Variants in SS18L1 observed in about 807,000 individuals in gnomAD.
SS18L1 encodes the protein calcium-responsive transactivator.
In SS18L1, 32 loss-of-function variants were observed where a neutral mutation model predicts 70.3. That is an observed-to-expected ratio of 0.46 (90% CI 0.34 to 0.61). The LOEUF (loss-of-function observed/expected upper bound fraction) is 0.61. SS18L1 is among the 20% of genes least tolerant of loss of function. SS18L1 has a pLI of 0.01. For missense variants in SS18L1, 430 were observed against 542.1 expected (o/e 0.79, Z 2.05); for synonymous variants, 237 against 229.7 (o/e 1.03, Z -0.29).
At chr20:62,145,160 C>T (rs959979278) in intron 1 of SS18L1, among the ~76,000 whole-genome samples, 1 of 152,252 alleles carries the variant, frequency 6.6e-6, no homozygotes, top group Non-Finnish European at 1.5e-5. Flanking sequence ...TTAGTAAACA[C>T]TTATGTGGCG....
rs2057270801 is a variant in SS18L1 at position 62,158,804 on chromosome 20, C to CTCT, written c.146+56_146+57insTCT. On this transcript the variant is annotated intron_variant, in intron 2 of 10. Transcript: ENST00000331758. The surrounding 1 kb of genome is among the most constrained non-coding windows in gnomAD (Gnocchi z 4.5). Reference sequence around the variant, plus strand: ...GAGGGTGTCATGCAGAGTCTAAGCACAGAGGCCAGATACGTCCCAAGAGTC... The same window carrying CTCT: ...GAGGGTGTCATGCAGAGTCTAAGCACTCTAGAGGCCAGATACGTCCCAAGAGTC... The CTCT allele has an allele frequency of 1.2e-6, 2 of 1,612,492 alleles. No individual in the cohort carries two copies. The highest frequency in any genetic ancestry group is 1.7e-6 in the Non-Finnish European group (2 of 1,179,784).
At chr20:62,154,765 C>T (rs775463698) in intron 1 of SS18L1, among the ~76,000 whole-genome samples, 20 of 152,184 alleles carry the variant, frequency 1.3e-4, no homozygotes, top group Non-Finnish European at 2.5e-4. Context: ...TGGGGAAATG[C>T]GTCCTTCAGC....
chr20:62,161,721 G>A lies in SS18L1; in HGVS notation c.376+141G>A, dbSNP rs1448021644. 2.7e-5 allele frequency: 35 copies of A among 1,299,516 alleles called. No individual in the cohort carries two copies. The highest frequency in any genetic ancestry group is 5.5e-4 in the Middle Eastern group (2 of 3,652). 80.5% of individuals were successfully genotyped at this position (1,299,516 alleles called of 1,614,324 possible). A position where few individuals can be genotyped will look rare whatever the true frequency, so the allele number is the denominator to read the frequency against. On this transcript the variant is annotated intron_variant, in intron 4 of 10. Transcript: ENST00000331758. The surrounding 1 kb of genome is among the most constrained non-coding windows in gnomAD (Gnocchi z 4.4). The stretch of plus-strand genomic sequence containing the variant: ...ACTCCTCCTGGGGTAGCCACAGGTC[G>A]GCTGCCATCGCCCAGGCTCAGGGCC...
At chr20:62,173,714 T>TA (rs2057571685) in intron 9 of SS18L1, among the ~76,000 whole-genome samples, 1 of 149,340 alleles carries the variant, frequency 6.7e-6, no homozygotes, top group South Asian at 2.1e-4. Flanking sequence ...CCTCAAAAAA[T>TA]AAAAAAATAA....
rs1374782931 is a variant in SS18L1, at chr20:62,159,896, C to T, written c.166C>T (p.Arg56Trp). 14 of 1,612,504 alleles carry T rather than the reference C, an allele frequency of 8.7e-6. No homozygotes were observed. The highest frequency in any genetic ancestry group is 1.2e-5 in the Non-Finnish European group (14 of 1,179,872). The change falls in exon 3 of 11, where the codon CGG (arginine) becomes TGG (tryptophan). Residue 56 changes from arginine to tryptophan, a missense_variant. Arg to Trp is a moderately radical substitution (Grantham distance 101). Coordinates refer to ENST00000331758, the MANE Select transcript of SS18L1 (RefSeq NM_198935.3). The surrounding 1 kb of genome is among the most constrained non-coding windows in gnomAD (Gnocchi z 4.4). ...CTGCAGGTACCAGCAGATCCTGCAC[C>T]GGAACCTGGTATACCTGGCCACGAT... ...ECTQYQQILH[R>W]NLVYLATIAD... is the part of the protein sequence containing the mutation.
chr20:62,163,020 A>G (rs2057359794), intron 5 of SS18L1, 89 bp downstream of exon 5: 1 of 1,511,546 alleles, frequency 6.6e-7, no homozygotes, highest in Non-Finnish European at 8.9e-7. Context: ...GTCCCGGGGA[A>G]GCTGCCCTCC....
At chr20:62,170,128 C>T (rs7269389) in intron 8 of SS18L1, among the ~76,000 whole-genome samples, 18,426 of 152,240 alleles carry the variant, frequency 0.12, 1,300 homozygotes, top group South Asian at 0.24. Flanking sequence ...GAGGGTGTGC[C>T]GTGGCCTCTT....
At chr20:62,171,142 T>C (rs1029802917) in intron 8 of SS18L1, among the ~76,000 whole-genome samples, 3 of 152,092 alleles carry the variant, frequency 2.0e-5, no homozygotes, top group African/African-American at 7.2e-5. Flanking sequence ...GACCTTGTGA[T>C]CCACCCGCCT....
Position 62,161,423 on chromosome 20 carries a change from C to A in SS18L1, c.232-13C>A. 6.2e-7 allele frequency: 1 copy of A among 1,612,844 alleles called. No individual in the cohort carries two copies. Among genetic ancestry groups the A allele is most frequent in the Non-Finnish European group, 8.5e-7 (1 of 1,179,994 alleles). On this transcript the variant is annotated splice_polypyrimidine_tract_variant and intron_variant, in intron 3 of 10. Transcript: ENST00000331758. This position sits in a 1 kb window ranked among gnomAD's most constrained non-coding sequence, Gnocchi z 4.4. ...TTAACCGTTTTTCCCTGAAAACTTC[C>A]TGTTGCCTGCAGCCGCCCACGCAGA... is the stretch of plus-strand genomic sequence containing the variant.
chr20:62,160,591 C>G (rs2057311553), intron 3 of SS18L1, among the ~76,000 whole-genome samples: 1 of 152,138 alleles, frequency 6.6e-6, no homozygotes, highest in African/African-American at 2.4e-5. Context: ...ATGCATTTTT[C>G]CAAGATTAAA....
Position 62,158,789 on chromosome 20 carries a change from T to C in SS18L1, c.146+41T>C, listed in dbSNP as rs760765691. Reference sequence around the variant, plus strand: ...ACACCGGAACACTTGGAGGGTGTCATGCAGAGTCTAAGCACAGAGGCCAGA... The same window carrying C: ...ACACCGGAACACTTGGAGGGTGTCACGCAGAGTCTAAGCACAGAGGCCAGA... On this transcript the variant is annotated intron_variant, in intron 2 of 10. Coordinates refer to ENST00000331758, the MANE Select transcript of SS18L1 (RefSeq NM_198935.3). The surrounding 1 kb of genome is among the most constrained non-coding windows in gnomAD (Gnocchi z 4.5). The C allele has an allele frequency of 1.2e-5, 19 of 1,612,728 alleles. No individual in the cohort carries two copies. Among genetic ancestry groups the C allele is most frequent in the Admixed American group, 1.2e-4 (7 of 59,996 alleles).
Position 62,151,607 on chromosome 20 carries a change from C to T in SS18L1, c.70-7065C>T, listed in dbSNP as rs117583639. Among the ~76,000 whole-genome samples, 1,187 of 152,304 alleles carry T rather than the reference C, an allele frequency of 7.8e-3. 27 individuals carry two copies. Among genetic ancestry groups the T allele is most frequent in the East Asian group, 0.047 (244 of 5,174 alleles). Reference sequence around the variant, plus strand: ...CAGCCAAGCCCAGCAGAAGATCCTCCGAACCAGCCCAGAATCATGAGAACT... The same window carrying T: ...CAGCCAAGCCCAGCAGAAGATCCTCTGAACCAGCCCAGAATCATGAGAACT... On this transcript the variant is annotated intron_variant, in intron 1 of 10. Coordinates refer to ENST00000331758, the MANE Select transcript of SS18L1 (RefSeq NM_198935.3).
At chr20:62,168,753 G>A (rs2145765907) in intron 8 of SS18L1, among the ~76,000 whole-genome samples, 1 of 152,328 alleles carries the variant, frequency 6.6e-6, no homozygotes, top group African/African-American at 2.4e-5. Flanking sequence ...GGTCGAAGCT[G>A]TACTTAACTA....
chr20:62,179,736 T>G lies in SS18L1; in HGVS notation c.*528T>G, dbSNP rs1601069865. ...CGATGGGGTGGGTGGGAGGGCATCT[T>G]CTGTGCGTTGGGTCAGTTTCTGTTA... On this transcript the variant is annotated 3_prime_UTR_variant, in exon 11 of 11. Coordinates refer to ENST00000331758, the MANE Select transcript of SS18L1 (RefSeq NM_198935.3). The G allele has an allele frequency of 4.3e-6, 1 of 231,514 alleles. No individual in the cohort carries two copies. The highest frequency in any genetic ancestry group is 6.2e-5 in the East Asian group (1 of 16,216). 14.3% of individuals were successfully genotyped at this position (231,514 alleles called of 1,614,324 possible).
rs2295206 is a variant in SS18L1, at chr20:62,179,042, G to A, written c.1165-140G>A. ...CTTGGCCAGTGGCTTCTGGAAAGTC[G>A]TTCGCTGCCCCGCAGAGATGTGAGC... is the stretch of plus-strand genomic sequence containing the variant. On this transcript the variant is annotated intron_variant, in intron 10 of 10. Coordinates refer to ENST00000331758, the MANE Select transcript of SS18L1 (RefSeq NM_198935.3). The A allele has an allele frequency of 3.7e-4, 315 of 860,230 alleles. 2 individuals are homozygous for A. In the East Asian group the frequency reaches 6.5e-3, roughly 18 times the overall value. The allele number at this position is 860,230 out of a possible 1,614,324, so 53.3% of individuals were successfully genotyped here. A position where few individuals can be genotyped will look rare whatever the true frequency, so the allele number is the denominator to read the frequency against.
intron 6 of SS18L1, among the ~76,000 whole-genome samples, chr20:62,163,888 A>G (rs115082329): frequency 5.7e-4 from 87 of 152,270 alleles, no homozygotes; most frequent in African/African-American, 2.1e-3. Flanking sequence ...GGCCGGGCTC[A>G]TGCCTGTAGT....
At chr20:62,177,348 C>T (rs892377877) in intron 10 of SS18L1, among the ~76,000 whole-genome samples, 4 of 152,078 alleles carry the variant, frequency 2.6e-5, no homozygotes, top group Admixed American at 1.3e-4. Context: ...GCTGCCATGC[C>T]TTCAGCTGAG....
intron 8 of SS18L1, among the ~76,000 whole-genome samples, chr20:62,167,979 C>CT (rs575045754): frequency 0.022 from 2,327 of 104,908 alleles, 8 homozygotes; most frequent in Non-Finnish European, 0.034. Flanking sequence ...CCAGGCCTGG[C>CT]TTTTTTTTTT....
chr20:62,176,587 G>T (rs1340894173), intron 10 of SS18L1, among the ~76,000 whole-genome samples: 4 of 152,138 alleles, frequency 2.6e-5, no homozygotes, highest in African/African-American at 9.7e-5. Flanking sequence ...GGCTGAGGCG[G>T]GTAGATCACC....
Sources: allele counts gnomAD v4.1 joint callset (sites outside exome capture counted in the v4.1 genomes callset), GRCh38; gene constraint gnomAD v4.1.1; non-coding constraint Gnocchi (gnomAD v3.1); transcripts MANE v1.5; gene names NCBI Gene and HGNC (gene_info 2026-07-23, HGNC 2026-07-21).